Variants in PANK3 observed in about 807,000 individuals in gnomAD.
The protein encoded by PANK3 is hPanK3.
PANK3 carries 20 observed loss-of-function variants against 39.4 expected under a neutral mutation model. The observed-to-expected ratio is 0.51, with a 90% CI of 0.36 to 0.74. The LOEUF (loss-of-function observed/expected upper bound fraction) is 0.74, where lower values mean the gene tolerates loss of function less well. PANK3 is among the 30% of genes least tolerant of loss of function. The probability of loss-of-function intolerance (pLI) is 0.00; values close to 1 mark genes in which losing one functional copy is unlikely to be tolerated. For synonymous variants in PANK3, 140 were observed against 157.3 expected (o/e 0.89, Z 0.82); for missense variants, 265 against 437.0 (o/e 0.61, Z 3.51).
chr5:168,579,206 G>A, intron 1 of PANK3, 50 bp downstream of exon 1: 1 of 1,453,172 alleles, frequency 6.9e-7, no homozygotes, highest in Non-Finnish European at 9.1e-7. Context: ...GCTTTCAGAC[G>A]GGGCCCAAGG....
At chr5:168,574,268 G>A (rs1336803185) in intron 1 of PANK3, among the ~76,000 whole-genome samples, 15 of 151,354 alleles carry the variant, frequency 9.9e-5, no homozygotes, top group Non-Finnish European at 1.5e-5. Flanking sequence ...CTGATGGCCA[G>A]TGATGGTGAG....
intron 1 of PANK3, among the ~76,000 whole-genome samples, chr5:168,570,202 G>A (rs930746703): frequency 1.3e-5 from 2 of 151,832 alleles, no homozygotes; most frequent in Non-Finnish European, 1.5e-5. Context: ...CTAACACAGC[G>A]AAACCCCGTC....
intron 4 of PANK3, among the ~76,000 whole-genome samples, 151 bp downstream of exon 4, chr5:168,563,734 CTTAA>C (rs1759480335): frequency 6.6e-6 from 1 of 151,802 alleles, no homozygotes; most frequent in Non-Finnish European, 1.5e-5. Context: ...TTAATGTATA[CTTAA>C]TTTTTAAATG....
intron 1 of PANK3, among the ~76,000 whole-genome samples, chr5:168,569,382 C>T (rs970765838): frequency 6.6e-5 from 10 of 150,404 alleles, no homozygotes; most frequent in African/African-American, 2.0e-4. Context: ...TTAGTAGAGA[C>T]GGGGTTTCAC....
chr5:168,559,954 T>A (rs1051460657), intron 5 of PANK3, among the ~76,000 whole-genome samples: 2 of 152,208 alleles, frequency 1.3e-5, no homozygotes, highest in Non-Finnish European at 2.9e-5. Context: ...TCTTAGATTA[T>A]CTCTATGATT....
chr5:168,571,579 G>T (rs1759631010), intron 1 of PANK3, among the ~76,000 whole-genome samples: 1 of 152,180 alleles, frequency 6.6e-6, no homozygotes. Context: ...GGATTAAAAT[G>T]TCTGGCAACA....
Position 168,557,252 on chromosome 5 carries a change from C to G in PANK3, c.*319G>C, listed in dbSNP as rs557031894. 2.2e-3 allele frequency: 482 copies of G among 220,870 alleles called. 3 individuals are homozygous for G. Among genetic ancestry groups the G allele is most frequent in the Admixed American group, 6.0e-3 (113 of 18,758 alleles). The allele number at this position is 220,870 out of a possible 1,614,324, so 13.7% of individuals were successfully genotyped here. ...ATTATTTTCATAAGCTAAACAGTTCCGATACTTTAAGATTTGTGTTTGAGC... is the reference window on the plus strand; with the variant it reads ...ATTATTTTCATAAGCTAAACAGTTCGGATACTTTAAGATTTGTGTTTGAGC... On this transcript the variant is annotated 3_prime_UTR_variant, in exon 7 of 7. Coordinates refer to ENST00000239231, the MANE Select transcript of PANK3 (RefSeq NM_024594.4).
Position 168,549,278 on chromosome 5 carries a change from C to G in PANK3, c.*8293G>C, listed in dbSNP as rs1341407982. 6.6e-6 allele frequency: 1 copy of G among 152,100 alleles called. No homozygotes were observed. Among genetic ancestry groups the G allele is most frequent in the African/African-American group, 2.4e-5 (1 of 41,420 alleles). 9.4% of individuals were successfully genotyped at this position (152,100 alleles called of 1,614,324 possible). A position where few individuals can be genotyped will look rare whatever the true frequency, so the allele number is the denominator to read the frequency against. Reference sequence around the variant, plus strand: ...CTGTAAACTAAACTAAAACAGGTTACCCAGAAAAAAGTGGCAAATTCCAAA... The same window carrying G: ...CTGTAAACTAAACTAAAACAGGTTAGCCAGAAAAAAGTGGCAAATTCCAAA... On this transcript the variant is annotated 3_prime_UTR_variant, in exon 7 of 7. Coordinates refer to ENST00000239231, the MANE Select transcript of PANK3 (RefSeq NM_024594.4).
At chr5:168,566,814 G>A (rs917113625) in intron 2 of PANK3, among the ~76,000 whole-genome samples, 1 of 152,126 alleles carries the variant, frequency 6.6e-6, no homozygotes, top group African/African-American at 2.4e-5. Context: ...CATGATCTCG[G>A]CTCACTGCAA....
At position 168,579,368 on chromosome 5, in the gene PANK3, C is replaced by A. The variant is rs796068459; in HGVS notation, c.-85G>T. 3 of 1,190,912 alleles carry A rather than the reference C, an allele frequency of 2.5e-6. No homozygotes were observed. Among genetic ancestry groups the A allele is most frequent in the Non-Finnish European group, 3.3e-6 (3 of 912,406 alleles). The allele number at this position is 1,190,912 out of a possible 1,614,324, so 73.8% of individuals were successfully genotyped here. A position where few individuals can be genotyped will look rare whatever the true frequency, so the allele number is the denominator to read the frequency against. On this transcript the variant is annotated 5_prime_UTR_variant, in exon 1 of 7. Transcript: ENST00000239231. ...CGACTCCGGAGGTGGCTGGGCCGCG[C>A]GGCGAGGCCCGGCCGGTTCCTCCCC...
chr5:168,575,689 G>T (rs888117785), intron 1 of PANK3, among the ~76,000 whole-genome samples: 1 of 152,164 alleles, frequency 6.6e-6, no homozygotes, highest in Admixed American at 6.6e-5. Flanking sequence ...GGGAGGCTGA[G>T]GGGGGAGGAT....
rs1378876196 is a variant in PANK3 at position 168,549,693 on chromosome 5, T to C, written c.*7878A>G. 1 of 152,132 alleles carries C rather than the reference T, an allele frequency of 6.6e-6. No individual in the cohort carries two copies. Among genetic ancestry groups the C allele is most frequent in the African/African-American group, 2.4e-5 (1 of 41,420 alleles). 9.4% of individuals were successfully genotyped at this position (152,132 alleles called of 1,614,324 possible). A position where few individuals can be genotyped will look rare whatever the true frequency, so the allele number is the denominator to read the frequency against. On this transcript the variant is annotated 3_prime_UTR_variant, in exon 7 of 7. Transcript: ENST00000239231. The stretch of plus-strand genomic sequence containing the variant: ...GAAAAAAACTGATTTACCCCAAACA[T>C]ATCATTCAGCACAAACTGCGGTACC...
intron 1 of PANK3, among the ~76,000 whole-genome samples, chr5:168,573,059 C>T (rs1229100155): frequency 3.9e-5 from 6 of 152,086 alleles, no homozygotes; most frequent in Non-Finnish European, 1.5e-5. Context: ...ATCTAGCCTA[C>T]TAGAAATGTG....
At chr5:168,570,264 A>T (rs1759605335) in intron 1 of PANK3, among the ~76,000 whole-genome samples, 1 of 151,764 alleles carries the variant, frequency 6.6e-6, no homozygotes, top group Non-Finnish European at 1.5e-5. Flanking sequence ...AGGCGCCTGT[A>T]GTCCCAGCTA....
At position 168,557,607 on chromosome 5, in the gene PANK3, T is replaced by G; in HGVS notation, c.1077A>C (p.Ala359=). The change falls in exon 7 of 7, where the codon GCA becomes GCC. Residue 359 remains alanine (A), a synonymous_variant. Transcript: ENST00000239231. ...TTGGCAGCCCAAGAAGTGCACCAAC[T>G]GCTCCAAAGTAACCCTGTGTAATTT... ...LFLEHEGYFG[A]VGALLGLPNF... is the part of the protein sequence containing the mutation. The G allele has an allele frequency of 6.2e-7, 1 of 1,613,894 alleles. No homozygotes were observed. Among genetic ancestry groups the G allele is most frequent in the Non-Finnish European group, 8.5e-7 (1 of 1,179,852 alleles).
At chr5:168,561,634 C>T (rs577106411) in intron 4 of PANK3, 118 bp from the exon 5 acceptor site, 5 of 834,794 alleles carry the variant, frequency 6.0e-6, no homozygotes, top group Non-Finnish European at 8.3e-6. Context: ...AGTAGAAACA[C>T]ATAGGGATAA....
intron 4 of PANK3, 111 bp from the exon 5 acceptor site, chr5:168,561,627 A>G (rs1396409893): frequency 2.2e-5 from 19 of 879,472 alleles, no homozygotes; most frequent in Non-Finnish European, 3.0e-5. Flanking sequence ...ACCAAAAAGT[A>G]GAAACACATA....
intron 4 of PANK3, among the ~76,000 whole-genome samples, chr5:168,562,147 A>G (rs888566612): frequency 2.6e-5 from 4 of 152,202 alleles, no homozygotes; most frequent in Non-Finnish European, 4.4e-5. Flanking sequence ...TGTAATGGAC[A>G]ATGCAGGCCT....
At chr5:168,575,027 T>C (rs1212022041) in intron 1 of PANK3, among the ~76,000 whole-genome samples, 1 of 151,882 alleles carries the variant, frequency 6.6e-6, no homozygotes, top group African/African-American at 2.4e-5. Flanking sequence ...GAATAAAACA[T>C]TCCTTGCTAA....
Sources: allele counts gnomAD v4.1 joint callset (sites outside exome capture counted in the v4.1 genomes callset), GRCh38; gene constraint gnomAD v4.1.1; transcripts MANE v1.5; gene names NCBI Gene and HGNC (gene_info 2026-07-23, HGNC 2026-07-21).